Variants in SYTL5 observed in about 807,000 individuals in gnomAD.
SYTL5 encodes synaptotagmin-like protein 5.
A neutral mutation model predicts 55.9 loss-of-function variants in SYTL5; 34 were observed. The observed-to-expected ratio is 0.61, with a 90% CI of 0.46 to 0.81. The LOEUF (loss-of-function observed/expected upper bound fraction) is 0.81. SYTL5 is among the 30% of genes least tolerant of loss of function. The pLI is 0.00. For missense variants in SYTL5, 637 were observed against 546.7 expected (o/e 1.17, Z -1.65); for synonymous variants, 221 against 188.7 (o/e 1.17, Z -1.40).
intron 9 of SYTL5, among the ~76,000 whole-genome samples, chrX:38,099,580 C>T: frequency 9.0e-6 from 1 of 110,562 alleles, no homozygotes; most frequent in Non-Finnish European, 1.9e-5. Context: ...TTTCTTTTAC[C>T]TGTTTAATTG....
the SYTL5 span, among the ~76,000 whole-genome samples, chrX:37,913,055 T>C: frequency 8.9e-6 from 1 of 111,835 alleles, no homozygotes; most frequent in Non-Finnish European, 1.9e-5. Context: ...GAGGGCCCTT[T>C]TGTACCTCCC....
At chrX:38,090,478 G>C (rs1415221910) in intron 7 of SYTL5, among the ~76,000 whole-genome samples, 1 of 111,838 alleles carries the variant, frequency 8.9e-6, no homozygotes, top group Non-Finnish European at 1.9e-5. Context: ...TAAATATTCT[G>C]TTGGAAGTTA....
chrX:37,965,789 A>C, the SYTL5 span, among the ~76,000 whole-genome samples: 1 of 111,925 alleles, frequency 8.9e-6, no homozygotes, highest in Non-Finnish European at 1.9e-5. Flanking sequence ...AGGAGCTCTG[A>C]TGTTGGGTGC....
chrX:38,016,511 G>A (rs56083224), intron 1 of SYTL5, among the ~76,000 whole-genome samples: 2,037 of 111,830 alleles, frequency 0.018, 53 homozygotes, highest in African/African-American at 0.064. Context: ...GGGCAGATGA[G>A]GGTCAACTTC....
At chrX:37,896,938 T>C in the SYTL5 span, among the ~76,000 whole-genome samples, 2 of 112,068 alleles carry the variant, frequency 1.8e-5, no homozygotes, top group African/African-American at 6.5e-5. Context: ...AGGGAGGAAG[T>C]AGAAGTGTAT....
the SYTL5 span, among the ~76,000 whole-genome samples, chrX:37,996,089 C>T: frequency 9.0e-6 from 1 of 111,516 alleles, no homozygotes; most frequent in Non-Finnish European, 1.9e-5. Context: ...GGAGGTTGAC[C>T]CTGGATGAGC....
chrX:38,115,507 AAAAG>A (rs1937468974), intron 13 of SYTL5, among the ~76,000 whole-genome samples: 1 of 103,350 alleles, frequency 9.7e-6, no homozygotes, highest in Non-Finnish European at 2.0e-5. Flanking sequence ...AAAAAAAAAA[AAAAG>A]ATACTTATTT....
At chrX:37,951,918 G>A in the SYTL5 span, among the ~76,000 whole-genome samples, 1 of 111,419 alleles carries the variant, frequency 9.0e-6, no homozygotes, top group Non-Finnish European at 1.9e-5. Context: ...GGATGGGCTA[G>A]ACACAAGGAG....
chrX:37,951,047 TAA>T, the SYTL5 span, among the ~76,000 whole-genome samples: 15 of 101,752 alleles, frequency 1.5e-4, no homozygotes, highest in Admixed American at 3.2e-4. Context: ...TTACGAGGAA[TAA>T]AAAAAAAAAA....
rs7879899 is a variant in SYTL5, at chrX:38,115,250, C to T, written c.1596+4768C>T. 1.4e-3 allele frequency among the ~76,000 whole-genome samples: 140 copies of T among 103,001 alleles called. 5 individuals carry two copies. The highest frequency in any genetic ancestry group is 5.1e-3 in the African/African-American group (133 of 25,905). The allele number at this position is 103,001 out of a possible 115,157, so 89.4% of individuals were successfully genotyped here. On this transcript the variant is annotated intron_variant, in intron 13 of 16. Transcript: ENST00000297875. ...CTGTAATCCCAGCACTTTGGGAGGC[C>T]GAGGCGGGCGGATCACGAGGTCAGG... is the stretch of plus-strand genomic sequence containing the variant.
rs1302982242 is a variant in SYTL5 at position 38,120,394 on chromosome X, G to T, written c.1633G>T (p.Gly545Ter). ...TCCTGATATTGGCCTTCAATACAAA[G>T]GAGAGCTGACAGTTGTTTTACGTTA... Reference protein sequence around the residue: ...FAPDIGLQYKGELTVVLRYIP... With the variant: ...FAPDIGLQYK Residue 545 changes from glycine (G) to a stop codon, truncating the protein, a stop_gained, in exon 14 of 17, where the codon GGA becomes TGA. Coordinates refer to ENST00000297875, the MANE Select transcript of SYTL5 (RefSeq NM_138780.3). LOFTEE classifies it high-confidence loss of function. 4.1e-6 allele frequency: 5 copies of T among 1,211,196 alleles called. No homozygotes were observed. Among genetic ancestry groups the T allele is most frequent in the Non-Finnish European group, 5.6e-6 (5 of 895,108 alleles).
the SYTL5 span, among the ~76,000 whole-genome samples, chrX:37,915,220 G>C: frequency 9.0e-6 from 1 of 111,714 alleles, no homozygotes; most frequent in East Asian, 2.8e-4. Context: ...GGAGGCAGTT[G>C]ACATGACCTT....
the SYTL5 span, among the ~76,000 whole-genome samples, chrX:37,902,361 C>T: frequency 2.7e-5 from 3 of 112,093 alleles, no homozygotes; most frequent in African/African-American, 9.7e-5. Context: ...TGTTTAATAT[C>T]TACTGAGGTG....
chrX:38,064,192 T>C (rs997525537), intron 3 of SYTL5, among the ~76,000 whole-genome samples: 2 of 111,148 alleles, frequency 1.8e-5, no homozygotes, highest in East Asian at 5.6e-4. Context: ...CTACGGCAGA[T>C]TGTGCATCTG....
chrX:38,011,514 G>C (rs1461741693), intron 1 of SYTL5, among the ~76,000 whole-genome samples: 1 of 110,639 alleles, frequency 9.0e-6, no homozygotes, highest in Non-Finnish European at 1.9e-5. Context: ...GCCGCCTATA[G>C]TCTCAGCTAC....
chrX:38,108,135 C>T (rs111995755), intron 11 of SYTL5, among the ~76,000 whole-genome samples: 78 of 112,293 alleles, frequency 6.9e-4, no homozygotes, highest in African/African-American at 2.5e-3. Flanking sequence ...AATAGAGAAG[C>T]ATCTAATCCC....
At chrX:38,124,237 G>C (rs933365376) in intron 15 of SYTL5, among the ~76,000 whole-genome samples, 1 of 111,648 alleles carries the variant, frequency 9.0e-6, no homozygotes, top group Non-Finnish European at 1.9e-5. Flanking sequence ...GGCTATTCCA[G>C]CTGCAAGGGA....
chrX:37,909,146 A>G, the SYTL5 span, among the ~76,000 whole-genome samples: 43 of 72,852 alleles, frequency 5.9e-4, no homozygotes, highest in African/African-American at 2.6e-3. Flanking sequence ...GGTCCCTAGC[A>G]CACACACACA....
the SYTL5 span, among the ~76,000 whole-genome samples, chrX:37,898,298 A>G: frequency 9.0e-6 from 1 of 111,556 alleles, no homozygotes; most frequent in East Asian, 2.8e-4. Flanking sequence ...CACATGGGGT[A>G]TTAGGTTTCA....
Sources: allele counts gnomAD v4.1 joint callset (sites outside exome capture counted in the v4.1 genomes callset), GRCh38; gene constraint gnomAD v4.1.1; transcripts MANE v1.5; gene names NCBI Gene and HGNC (gene_info 2026-07-23, HGNC 2026-07-21).